Variants in SEZ6L observed in about 807,000 individuals in gnomAD.
SEZ6L encodes seizure 6-like protein.
SEZ6L carries 37 observed loss-of-function variants against 106.2 expected under a neutral mutation model. The observed-to-expected ratio is 0.35, with a 90% CI of 0.27 to 0.46. The LOEUF is 0.46. Ranked by LOEUF, SEZ6L falls within the 20% of genes least tolerant of loss-of-function variation. The probability of loss-of-function intolerance (pLI) is 1.00; values close to 1 mark genes in which losing one functional copy is unlikely to be tolerated. For missense variants in SEZ6L, 1,172 were observed against 1,332.8 expected, an observed-to-expected ratio of 0.88 and a Z score of 1.88; for synonymous variants, 541 against 570.4, an observed-to-expected ratio of 0.95 and a Z score of 0.73.
At chr22:26,369,921 T>G (rs1471965082) in intron 13 of SEZ6L, among the ~76,000 whole-genome samples, 1 of 151,034 alleles carries the variant, frequency 6.6e-6, no homozygotes, top group Non-Finnish European at 1.5e-5. Flanking sequence ...CCGACCTGAA[T>G]TTATTTTTGA....
At chr22:26,192,688 G>A (rs1940312272) in intron 1 of SEZ6L, among the ~76,000 whole-genome samples, 1 of 152,076 alleles carries the variant, frequency 6.6e-6, no homozygotes, top group South Asian at 2.1e-4. Flanking sequence ...CATTTTCATG[G>A]GCTCTTAAAA....
At chr22:26,307,127 G>C (rs1386725691) in intron 6 of SEZ6L, among the ~76,000 whole-genome samples, 1 of 152,196 alleles carries the variant, frequency 6.6e-6, no homozygotes, top group South Asian at 2.1e-4. Context: ...CCTCAGAGTG[G>C]TCCTGTTGGA....
rs2084397928 is a variant in SEZ6L at position 26,381,114 on chromosome 22, A to G, written c.*819A>G. ...GATGAAAGAGCGTGTAATTTATGCTACAAGTGCCAGAATCGATCACCATGT... is the reference window on the plus strand; with the variant it reads ...GATGAAAGAGCGTGTAATTTATGCTGCAAGTGCCAGAATCGATCACCATGT... On this transcript the variant is annotated 3_prime_UTR_variant, in exon 17 of 17. Coordinates refer to ENST00000248933, the MANE Select transcript of SEZ6L (RefSeq NM_021115.5). 1.3e-5 allele frequency: 2 copies of G among 152,090 alleles called. No individual in the cohort carries two copies. Among genetic ancestry groups the G allele is most frequent in the South Asian group, 4.2e-4 (2 of 4,818 alleles). The allele number at this position is 152,090 out of a possible 1,614,324, so 9.4% of individuals were successfully genotyped here. A position where few individuals can be genotyped will look rare whatever the true frequency, so the allele number is the denominator to read the frequency against.
intron 13 of SEZ6L, among the ~76,000 whole-genome samples, chr22:26,370,226 C>CA (rs898956656): frequency 1.5e-4 from 23 of 151,832 alleles, no homozygotes; most frequent in South Asian, 6.2e-4. Context: ...ACTAAAAATA[C>CA]AAAAAAAATT....
intron 12 of SEZ6L, among the ~76,000 whole-genome samples, chr22:26,362,614 C>T (rs1182505173): frequency 6.6e-6 from 1 of 152,202 alleles, no homozygotes; most frequent in African/African-American, 2.4e-5. Context: ...CACCTCCTCA[C>T]CGCATTGCTG....
At chr22:26,354,867 A>G (rs2083390642) in intron 12 of SEZ6L, among the ~76,000 whole-genome samples, 1 of 152,254 alleles carries the variant, frequency 6.6e-6, no homozygotes, top group Admixed American at 6.5e-5. Context: ...TAATGAGTTC[A>G]CGAGCCACGC....
intron 1 of SEZ6L, among the ~76,000 whole-genome samples, chr22:26,249,713 C>T (rs2079503182): frequency 6.6e-6 from 1 of 152,144 alleles, no homozygotes; most frequent in African/African-American, 2.4e-5. Flanking sequence ...ATTGCTGGAT[C>T]GTAAGGTAGT....
intron 9 of SEZ6L, among the ~76,000 whole-genome samples, chr22:26,320,509 C>T (rs905823320): frequency 6.6e-6 from 1 of 152,224 alleles, no homozygotes; most frequent in Admixed American, 6.5e-5. Context: ...TGAGGACTGT[C>T]ATTTTTGTCA....
At chr22:26,279,610 C>T (rs2080691463) in intron 1 of SEZ6L, among the ~76,000 whole-genome samples, 1 of 152,284 alleles carries the variant, frequency 6.6e-6, no homozygotes, top group South Asian at 2.1e-4. Flanking sequence ...GGCCAAGGAC[C>T]AGGCCGTAGC....
At chr22:26,371,043 A>G (rs1329289678) in intron 13 of SEZ6L, among the ~76,000 whole-genome samples, 1 of 149,452 alleles carries the variant, frequency 6.7e-6, no homozygotes, top group East Asian at 2.0e-4. Context: ...GGTTCATATC[A>G]TGCTGTATTC....
chr22:26,199,489 A>C (rs1940791595), intron 1 of SEZ6L, among the ~76,000 whole-genome samples: 1 of 152,216 alleles, frequency 6.6e-6, no homozygotes, highest in South Asian at 2.1e-4. Flanking sequence ...AACTTAAAGG[A>C]GAGGCAAAAG....
At chr22:26,288,158 G>C (rs769058637) in intron 1 of SEZ6L, among the ~76,000 whole-genome samples, 1 of 152,226 alleles carries the variant, frequency 6.6e-6, no homozygotes, top group Non-Finnish European at 1.5e-5. Flanking sequence ...CTTGGAAAGA[G>C]TCAAAGAGTC....
chr22:26,363,878 A>C (rs933863454), intron 12 of SEZ6L, among the ~76,000 whole-genome samples: 2 of 152,254 alleles, frequency 1.3e-5, no homozygotes, highest in Non-Finnish European at 2.9e-5. Flanking sequence ...ATGAACCTTG[A>C]GGACATTATG....
chr22:26,220,518 C>A (rs1303858735), intron 1 of SEZ6L, among the ~76,000 whole-genome samples: 1 of 152,148 alleles, frequency 6.6e-6, no homozygotes, highest in Non-Finnish European at 1.5e-5. Flanking sequence ...CACTTAGTTG[C>A]CTGTGTGTTA....
chr22:26,340,490 G>A lies in SEZ6L; in HGVS notation c.2070G>A (p.Met690Ile). ...CCATCTACGATGGCGACGAGGTCAT[G>A]CCCCACATCTTGGGGCAGTACCTTG... is the stretch of plus-strand genomic sequence containing the variant. ...ILTIYDGDEV[M>I]PHILGQYLGN... The change falls in exon 10 of 17, where the codon ATG becomes ATA. Residue 690 changes from methionine (M) to isoleucine (I), a missense_variant. Coordinates refer to ENST00000248933, the MANE Select transcript of SEZ6L (RefSeq NM_021115.5). 6.2e-7 allele frequency: 1 copy of A among 1,614,068 alleles called. No individual in the cohort carries two copies. Among genetic ancestry groups the A allele is most frequent in the Non-Finnish European group, 8.5e-7 (1 of 1,179,990 alleles).
intron 1 of SEZ6L, among the ~76,000 whole-genome samples, chr22:26,216,046 T>C (rs910039348): frequency 6.6e-6 from 1 of 152,090 alleles, no homozygotes; most frequent in African/African-American, 2.4e-5. Context: ...ATTCCCATCT[T>C]CCTCTCTCCC....
chr22:26,303,573 C>T (rs1221376005), intron 5 of SEZ6L, among the ~76,000 whole-genome samples: 2 of 152,182 alleles, frequency 1.3e-5, no homozygotes, highest in African/African-American at 4.8e-5. Flanking sequence ...TCAACTGCTC[C>T]ACTTATTATG....
At chr22:26,219,881 A>G (rs1455000029) in intron 1 of SEZ6L, among the ~76,000 whole-genome samples, 1 of 152,238 alleles carries the variant, frequency 6.6e-6, no homozygotes, top group Non-Finnish European at 1.5e-5. Flanking sequence ...GACAAGCGCA[A>G]CAAACCACCA....
At chr22:26,378,560 G>A (rs1251324201) in intron 16 of SEZ6L, among the ~76,000 whole-genome samples, 1 of 152,146 alleles carries the variant, frequency 6.6e-6, no homozygotes, top group Non-Finnish European at 1.5e-5. Context: ...AAATTGAACA[G>A]GGCACTAGGA....
Sources: gnomAD v4.1 joint callset for allele counts (sites outside exome capture counted in the v4.1 genomes callset) on GRCh38, gnomAD v4.1.1 for gene constraint, MANE v1.5 for transcripts, NCBI Gene and HGNC (gene_info 2026-07-23, HGNC 2026-07-21) for gene names.